The following NECAP2 variants were observed in gnomAD, a reference collection of about 807,000 sequenced individuals.
The protein encoded by NECAP2 is adaptin ear-binding coat-associated protein 2.
A neutral mutation model predicts 37.8 loss-of-function variants in NECAP2; 38 were observed. The ratio of observed to expected loss-of-function variants is 1.01; its 90% CI spans 0.78 to 1.32. The LOEUF (loss-of-function observed/expected upper bound fraction) is 1.32. Among genes scored for constraint, NECAP2 ranks in the 40% most tolerant of loss-of-function variants. The pLI is 0.00. For missense variants in NECAP2, 316 were observed against 334.5 expected (o/e 0.94, Z 0.43); for synonymous variants, 121 against 127.7 (o/e 0.95, Z 0.35).
chr1:16,459,525 C>G lies in NECAP2; in HGVS notation c.*635C>G. On this transcript the variant is annotated 3_prime_UTR_variant, in exon 8 of 8. Coordinates refer to ENST00000337132, the MANE Select transcript of NECAP2 (RefSeq NM_018090.5). Reference sequence around the variant, plus strand: ...AAAAGGAACTGCTCCCTCGGCGTGCCCCAGCTGGGGCCTCTGAAGGGATTC... The same window carrying G: ...AAAAGGAACTGCTCCCTCGGCGTGCGCCAGCTGGGGCCTCTGAAGGGATTC... 1 of 152,318 alleles carries G rather than the reference C, an allele frequency of 6.6e-6. No individual in the cohort carries two copies. Among genetic ancestry groups the G allele is most frequent in the East Asian group, 1.9e-4 (1 of 5,208 alleles). The allele number at this position is 152,318 out of a possible 1,614,324, so 9.4% of individuals were successfully genotyped here.
rs190721186 is a variant in NECAP2, at chr1:16,443,768, C to T, written c.193+36C>T. 7.0e-4 allele frequency: 1,070 copies of T among 1,518,104 alleles called. 14 individuals are homozygous for T. The South Asian group carries it at 7.7e-3, about 11-fold the overall frequency. The allele number at this position is 1,518,104 out of a possible 1,614,324, so 94.0% of individuals were successfully genotyped here. A position where few individuals can be genotyped will look rare whatever the true frequency, so the allele number is the denominator to read the frequency against. On this transcript the variant is annotated intron_variant, in intron 2 of 7. Transcript: ENST00000337132. ...GGGAGGCTGCATCAAGCTGAGGGGCCGCACCCCACTTTATGAAGGGAGAGG... is the reference window on the plus strand; with the variant it reads ...GGGAGGCTGCATCAAGCTGAGGGGCTGCACCCCACTTTATGAAGGGAGAGG...
At position 16,459,005 on chromosome 1, in the gene NECAP2, TCTC is replaced by T. The variant is rs757177924; in HGVS notation, c.*121_*123del. 7 of 1,583,936 alleles carry T rather than the reference TCTC, an allele frequency of 4.4e-6. No homozygotes were observed. In the East Asian group the frequency reaches 1.4e-4, roughly 31 times the overall value. ...CTGTGTTTGGGGCATGAATCTCTCC[TCTC>T]CTCCTTGTCTGGCTCTGTTGACAAA... On this transcript the variant is annotated 3_prime_UTR_variant, in exon 8 of 8. Transcript: ENST00000337132.
chr1:16,457,710 T>G (rs1048280025), intron 7 of NECAP2, among the ~76,000 whole-genome samples: 2 of 147,172 alleles, frequency 1.4e-5, no homozygotes, highest in African/African-American at 2.5e-5. Context: ...TAATTCTGTT[T>G]TTTTTTTTTT....
At chr1:16,448,420 T>C in intron 4 of NECAP2, 1 of 487,680 alleles carries the variant, frequency 2.1e-6, no homozygotes, top group Non-Finnish European at 3.7e-6. Context: ...ATCAGGCTCC[T>C]GTGGCCTTTC....
In NECAP2 at chr1:16,449,955, C is replaced by T. The variant is rs1431417999; in HGVS notation, c.489+754C>T. 2.1e-5 allele frequency: 6 copies of T among 289,034 alleles called. 1 individual carries two copies. The highest frequency in any genetic ancestry group is 9.1e-5 in the African/African-American group (4 of 43,942). 17.9% of individuals were successfully genotyped at this position (289,034 alleles called of 1,614,324 possible). On this transcript the variant is annotated intron_variant, in intron 5 of 7. Coordinates refer to ENST00000337132, the MANE Select transcript of NECAP2 (RefSeq NM_018090.5). ...GGAGATGAGGTCAGAGTCATGATTGCGGGGACCCAAGGACCAAGTGGATTG... is the reference window on the plus strand; with the variant it reads ...GGAGATGAGGTCAGAGTCATGATTGTGGGGACCCAAGGACCAAGTGGATTG...
chr1:16,449,897 G>A (rs113958195), intron 5 of NECAP2: 13 of 242,390 alleles, frequency 5.4e-5, no homozygotes, highest in South Asian at 4.8e-4. Flanking sequence ...GTTGCCTAAA[G>A]TTGGCCTTTA....
intron 2 of NECAP2, among the ~76,000 whole-genome samples, chr1:16,445,372 C>T (rs1044390789): frequency 6.6e-6 from 1 of 152,244 alleles, no homozygotes; most frequent in Non-Finnish European, 1.5e-5. Context: ...CATTTCACAG[C>T]ATTCTTGGCC....
At chr1:16,458,381 C>G (rs2086959649) in intron 7 of NECAP2, among the ~76,000 whole-genome samples, 1 of 152,052 alleles carries the variant, frequency 6.6e-6, no homozygotes, top group Admixed American at 6.6e-5. Context: ...GCAGGCAGAT[C>G]ACTTGAGGCC....
chr1:16,449,310 G>C, intron 5 of NECAP2, 109 bp downstream of exon 5: 1 of 703,666 alleles, frequency 1.4e-6, no homozygotes, highest in Non-Finnish European at 2.4e-6. Context: ...CAGATGTTTA[G>C]TGAGCATCTG....
At chr1:16,447,645 G>C (rs2086783063) in intron 2 of NECAP2, among the ~76,000 whole-genome samples, 2 of 152,204 alleles carry the variant, frequency 1.3e-5, no homozygotes, top group African/African-American at 4.8e-5. Context: ...CAAACTGTGA[G>C]CTAAATTTGA....
At chr1:16,453,803 A>G (rs1375986007) in intron 6 of NECAP2, among the ~76,000 whole-genome samples, 1 of 151,800 alleles carries the variant, frequency 6.6e-6, no homozygotes, top group Non-Finnish European at 1.5e-5. Flanking sequence ...ATGCATTTTT[A>G]ACAGCATTTT....
intron 6 of NECAP2, among the ~76,000 whole-genome samples, chr1:16,453,772 C>T (rs1374841832): frequency 2.0e-5 from 3 of 152,180 alleles, no homozygotes; most frequent in African/African-American, 7.2e-5. Flanking sequence ...CAGGCATGAG[C>T]CACCGTGCCT....
rs577598191 is a variant in NECAP2 at position 16,447,411 on chromosome 1, G to A, written c.194-459G>A. 3.3e-5 allele frequency among the ~76,000 whole-genome samples: 5 copies of A among 152,154 alleles called. No homozygotes were observed. In the East Asian group the frequency reaches 5.8e-4, roughly 18 times the overall value. On this transcript the variant is annotated intron_variant, in intron 2 of 7. Transcript: ENST00000337132. ...TGAAAACTTCCTCCCTTCTTTCCTC[G>A]GGGCTCACTGGCCCCTCTTATAGTC...
chr1:16,451,263 G>A (rs973922500), intron 5 of NECAP2: 1 of 152,730 alleles, frequency 6.5e-6, no homozygotes, highest in East Asian at 1.9e-4. Flanking sequence ...GAATTCACCC[G>A]ATTTATTTAT....
chr1:16,451,798 C>T, intron 5 of NECAP2, 40 bp from the exon 6 acceptor site: 1 of 1,612,368 alleles, frequency 6.2e-7, no homozygotes, highest in Non-Finnish European at 8.5e-7. Context: ...ATTGGGACTC[C>T]AGCAGAACGG....
At position 16,459,437 on chromosome 1, in the gene NECAP2, C is replaced by T. The variant is rs1444544378; in HGVS notation, c.*547C>T. On this transcript the variant is annotated 3_prime_UTR_variant, in exon 8 of 8. Coordinates refer to ENST00000337132, the MANE Select transcript of NECAP2 (RefSeq NM_018090.5). ...GGAGGGAAATTGGAAGGATTAGCAG[C>T]TTTTAAAAATGTTTAAATATTTTGC... 1 of 152,978 alleles carries T rather than the reference C, an allele frequency of 6.5e-6. No homozygotes were observed. The highest frequency in any genetic ancestry group is 1.5e-5 in the Non-Finnish European group (1 of 68,612). 9.5% of individuals were successfully genotyped at this position (152,978 alleles called of 1,614,324 possible).
chr1:16,451,886 G>A lies in NECAP2; in HGVS notation c.538G>A (p.Ala180Thr). ...GAAGNPRVRP[A>T]STGGLSLLPP... ...AGCTGGGAATCCCCGAGTCCGGCCT[G>A]CCAGCACAGGAGGGCTGAGCCTGCT... Residue 180 changes from alanine to threonine, a missense_variant, in exon 6 of 8, where the codon GCC becomes ACC. Physicochemically the swap from Ala to Thr is moderately conservative, Grantham distance 58. Coordinates refer to ENST00000337132, the MANE Select transcript of NECAP2 (RefSeq NM_018090.5). The A allele has an allele frequency of 6.2e-7, 1 of 1,614,142 alleles. No homozygotes were observed. The highest frequency in any genetic ancestry group is 8.5e-7 in the Non-Finnish European group (1 of 1,179,994).
In NECAP2 at chr1:16,451,858, A is replaced by T; in HGVS notation, c.510A>T (p.Gly170=). Residue 170 remains glycine (G), a synonymous_variant, in exon 6 of 8, where the codon GGA becomes GGT. Coordinates refer to ENST00000337132, the MANE Select transcript of NECAP2 (RefSeq NM_018090.5). ...LNIANMKKKE[G]AAGNPRVRPA... The stretch of plus-strand genomic sequence containing the variant: ...TTTAGAACATGAAGAAGAAGGAAGG[A>T]GCAGCTGGGAATCCCCGAGTCCGGC... The T allele has an allele frequency of 6.2e-7, 1 of 1,614,068 alleles. No individual in the cohort carries two copies. Among genetic ancestry groups the T allele is most frequent in the African/African-American group, 1.3e-5 (1 of 75,026 alleles).
intron 1 of NECAP2, among the ~76,000 whole-genome samples, chr1:16,442,012 C>G (rs1364196568): frequency 1.3e-5 from 2 of 148,580 alleles, no homozygotes; most frequent in East Asian, 3.9e-4. Context: ...GAGTTTCCCT[C>G]TTGTTGTCCA....
Sources: allele counts gnomAD v4.1 joint callset (sites outside exome capture counted in the v4.1 genomes callset), GRCh38; gene constraint gnomAD v4.1.1; transcripts MANE v1.5; gene names NCBI Gene and HGNC (gene_info 2026-07-23, HGNC 2026-07-21).